ARHGEF37: variants seen among roughly 807,000 people sequenced by gnomAD.
ARHGEF37 encodes Rho guanine nucleotide exchange factor 37.
A neutral mutation model predicts 71.1 loss-of-function variants in ARHGEF37; 55 were observed. The ratio of observed to expected loss-of-function variants is 0.77; its 90% CI spans 0.62 to 0.97. The LOEUF is 0.97. Ranked by LOEUF, ARHGEF37 falls within the 50% of genes least tolerant of loss-of-function variation. The probability of loss-of-function intolerance (pLI) is 0.00; values close to 1 mark genes in which losing one functional copy is unlikely to be tolerated. For synonymous variants in ARHGEF37, 327 were observed against 350.6 expected (o/e 0.93, Z 0.75); for missense variants, 765 against 836.8 (o/e 0.91, Z 1.06).
chr5:149,560,661 G>A (rs1485300756), intron 1 of ARHGEF37, among the ~76,000 whole-genome samples: 3 of 152,142 alleles, frequency 2.0e-5, no homozygotes, highest in Non-Finnish European at 2.9e-5. Flanking sequence ...GGTGGCTCAT[G>A]CCTGTAATCC....
chr5:149,618,886 TG>T, intron 6 of ARHGEF37, 51 bp from the exon 7 acceptor site: 1 of 1,443,784 alleles, frequency 6.9e-7, no homozygotes, highest in East Asian at 2.3e-5. Context: ...CTGAAGCCGG[TG>T]TACACTGCCC....
chr5:149,625,591 G>T (rs1378512238), intron 10 of ARHGEF37, among the ~76,000 whole-genome samples: 2 of 152,216 alleles, frequency 1.3e-5, no homozygotes, highest in East Asian at 3.9e-4. Context: ...ACTCCTCATT[G>T]GCCCCATCTG....
upstream of ARHGEF37, among the ~76,000 whole-genome samples, chr5:149,580,310 C>CCG: frequency 2.6e-5 from 4 of 152,214 alleles, no homozygotes; most frequent in African/African-American, 9.6e-5. Flanking sequence ...CTGCCCCCCC[C>CCG]TCAGCTTCCC....
intron 1 of ARHGEF37, among the ~76,000 whole-genome samples, chr5:149,562,401 C>G (rs1274236096): frequency 6.6e-6 from 1 of 152,114 alleles, no homozygotes; most frequent in Non-Finnish European, 1.5e-5. Flanking sequence ...TGTGAGGAAG[C>G]CAGAGCTTAC....
At chr5:149,631,764 A>G (rs1023398520) in intron 12 of ARHGEF37, among the ~76,000 whole-genome samples, 1 of 152,250 alleles carries the variant, frequency 6.6e-6, no homozygotes, top group African/African-American at 2.4e-5. Flanking sequence ...ACCCAAACCC[A>G]GTAGAGTGCT....
In ARHGEF37 at chr5:149,628,887, C is replaced by CG. The variant is rs1752788163; in HGVS notation, c.1743dup (p.Leu582AlafsTer39). On this transcript the variant is annotated frameshift_variant, in exon 12 of 13. Transcript: ENST00000333677. LOFTEE classifies it high-confidence loss of function. The stretch of plus-strand genomic sequence containing the variant: ...AGTGCAGAGGAGCTCAGAAGGCAGG[C>CG]GGGGCTGAACAAAGACCCCCGATGT... 6.2e-7 allele frequency: 1 copy of CG among 1,613,640 alleles called. No individual in the cohort carries two copies. Among genetic ancestry groups the CG allele is most frequent in the African/African-American group, 1.3e-5 (1 of 75,038 alleles).
At position 149,628,921 on chromosome 5, in the gene ARHGEF37, G is replaced by A. The variant is rs3733661; in HGVS notation, c.1773G>A (p.Pro591=). 20,537 of 1,613,104 alleles carry A rather than the reference G, an allele frequency of 0.013. 1,381 individuals carry two copies. In the East Asian group the frequency reaches 0.23, roughly 18 times the overall value. ...GLNKDPRCLT[P]EPSPALVPSI... ...ACAAAGACCCCCGATGTCTAACACC[G>A]GAGCCCAGCCCAGCTCTAGTGCCCT... The change falls in exon 12 of 13, where the codon CCG becomes CCA. Residue 591 remains proline (P), a synonymous_variant. Transcript: ENST00000333677.
intron 1 of ARHGEF37, among the ~76,000 whole-genome samples, chr5:149,570,727 T>C (rs1301800471): frequency 1.3e-5 from 2 of 150,586 alleles, no homozygotes; most frequent in African/African-American, 4.9e-5. Context: ...ATTACAAAAA[T>C]TAGCTGGGCG....
intron 2 of ARHGEF37, among the ~76,000 whole-genome samples, chr5:149,598,343 TCCTCTTC>T (rs1763627985): frequency 2.3e-5 from 3 of 128,162 alleles, no homozygotes; most frequent in Admixed American, 1.8e-4. Context: ...CTCTTCCTCT[TCCTCTTC>T]TTCTTCCTCT....
At chr5:149,555,056 G>T (rs190200360) in intron 1 of ARHGEF37, among the ~76,000 whole-genome samples, 1,569 of 151,282 alleles carry the variant, frequency 0.01, 23 homozygotes, top group African/African-American at 0.035. Flanking sequence ...GCTGGAACCC[G>T]AGAGGCGGAA....
intron 1 of ARHGEF37, among the ~76,000 whole-genome samples, chr5:149,592,492 C>G (rs1763439004): frequency 6.6e-6 from 1 of 152,128 alleles, no homozygotes; most frequent in African/African-American, 2.4e-5. Context: ...CTTTTCATTT[C>G]TGAGTATTCA....
rs1360550059 is a variant in ARHGEF37 at position 149,598,327 on chromosome 5, TTCTTCC to T, written c.186+390_186+395del. The stretch of plus-strand genomic sequence containing the variant: ...TTCTTCTTCTTCTTCTTCTTCTTCT[TTCTTCC>T]TCTTCCTCTTCCTCTTCTTCTTCCT... On this transcript the variant is annotated intron_variant, in intron 2 of 12. Coordinates refer to ENST00000333677, the MANE Select transcript of ARHGEF37 (RefSeq NM_001001669.3). 6.7e-4 allele frequency among the ~76,000 whole-genome samples: 61 copies of T among 90,564 alleles called. 1 individual carries two copies. Among genetic ancestry groups the T allele is most frequent in the Middle Eastern group, 5.2e-3 (1 of 192 alleles). The allele number at this position is 90,564 out of a possible 152,430, so 59.4% of individuals were successfully genotyped here. A position where few individuals can be genotyped will look rare whatever the true frequency, so the allele number is the denominator to read the frequency against.
chr5:149,555,408 A>G (rs1405049038), intron 1 of ARHGEF37, among the ~76,000 whole-genome samples: 2 of 151,934 alleles, frequency 1.3e-5, no homozygotes, highest in African/African-American at 2.4e-5. Context: ...GGCTCAAGCA[A>G]TCCCCCTGCC....
chr5:149,598,575 C>T (rs563611784), intron 2 of ARHGEF37, among the ~76,000 whole-genome samples: 1 of 151,418 alleles, frequency 6.6e-6, no homozygotes, highest in South Asian at 2.1e-4. Flanking sequence ...TGGCCTGGCC[C>T]TCTATGGCTT....
intron 5 of ARHGEF37, 75 bp from the exon 6 acceptor site, chr5:149,618,101 G>C: frequency 6.3e-7 from 1 of 1,586,756 alleles, no homozygotes; most frequent in South Asian, 1.2e-5. Context: ...CAGGTGCCCA[G>C]CCGGGCATGT....
At chr5:149,565,086 C>A (rs1302780519) in intron 1 of ARHGEF37, among the ~76,000 whole-genome samples, 1 of 152,148 alleles carries the variant, frequency 6.6e-6, no homozygotes, top group African/African-American at 2.4e-5. Flanking sequence ...TTTGAGGAGC[C>A]AGGCAAGTGT....
intron 10 of ARHGEF37, among the ~76,000 whole-genome samples, chr5:149,625,015 C>T (rs534567174): frequency 6.6e-6 from 1 of 151,136 alleles, no homozygotes; most frequent in Non-Finnish European, 1.5e-5. Flanking sequence ...TCTTCTGCCT[C>T]AGCCCCCCGA....
rs1337945092 is a variant in ARHGEF37 at position 149,622,006 on chromosome 5, C to T, written c.1279C>T (p.Leu427Phe). 2 of 1,614,090 alleles carry T rather than the reference C, an allele frequency of 1.2e-6. No homozygotes were observed. Among genetic ancestry groups the T allele is most frequent in the South Asian group, 1.1e-5 (1 of 91,070 alleles). Residue 427 changes from leucine to phenylalanine, a missense_variant, in exon 9 of 13, where the codon CTC (leucine) becomes TTC (phenylalanine). Coordinates refer to ENST00000333677, the MANE Select transcript of ARHGEF37 (RefSeq NM_001001669.3). ...LGQIMCTFVT[L>F]QRDLAKQVLQ... ...CCAGATCATGTGCACATTCGTGACC[C>T]TCCAGAGGGACCTTGCAAAGCAAGT... is the stretch of plus-strand genomic sequence containing the variant.
At chr5:149,577,636 A>G (rs1580887208), upstream of ARHGEF37, among the ~76,000 whole-genome samples, 2 of 152,352 alleles carry the variant, frequency 1.3e-5, no homozygotes, top group Middle Eastern at 6.8e-3. Context: ...CCAGGTTTGG[A>G]GCATTCAGCT....
Sources: gnomAD v4.1 joint callset for allele counts (sites outside exome capture counted in the v4.1 genomes callset) on GRCh38, gnomAD v4.1.1 for gene constraint, MANE v1.5 for transcripts, NCBI Gene and HGNC (gene_info 2026-07-23, HGNC 2026-07-21) for gene names.